The following IRF2 variants were observed in gnomAD, a reference collection of about 807,000 sequenced individuals.
IRF2 encodes interferon regulatory factor 2.
In IRF2, 15 loss-of-function variants were observed where a neutral mutation model predicts 40.6. The ratio of observed to expected loss-of-function variants is 0.37; its 90% CI spans 0.25 to 0.57. The LOEUF is 0.57. Among genes scored for constraint, IRF2 ranks in the 20% least tolerant of loss-of-function variants. The pLI, the probability that IRF2 is intolerant of heterozygous loss-of-function variation, is 0.77. For synonymous variants in IRF2, 151 were observed against 165.5 expected (o/e 0.91, Z 0.67); for missense variants, 317 against 455.7 (o/e 0.70, Z 2.77).
At chr4:184,397,849 A>T (rs1217008275) in intron 7 of IRF2, among the ~76,000 whole-genome samples, 1 of 152,198 alleles carries the variant, frequency 6.6e-6, no homozygotes, top group African/African-American at 2.4e-5. Context: ...TTCAATGGAG[A>T]TCATCAGGAA....
At chr4:184,401,908 A>G (rs1187698330) in intron 6 of IRF2, among the ~76,000 whole-genome samples, 1 of 152,208 alleles carries the variant, frequency 6.6e-6, no homozygotes, top group South Asian at 2.1e-4. Context: ...CTGGGACTAC[A>G]AACAATGGCA....
intron 1 of IRF2, among the ~76,000 whole-genome samples, chr4:184,454,355 A>G (rs922029031): frequency 2.0e-5 from 3 of 152,160 alleles, no homozygotes; most frequent in Admixed American, 2.0e-4. Context: ...CAGCACACAA[A>G]CTATAAACTT....
intron 7 of IRF2, among the ~76,000 whole-genome samples, chr4:184,396,874 G>A (rs184684570): frequency 7.4e-4 from 113 of 152,246 alleles, no homozygotes; most frequent in African/African-American, 2.6e-3. Flanking sequence ...AGGCTGAGGC[G>A]AGCAGATCAC....
intron 1 of IRF2, among the ~76,000 whole-genome samples, chr4:184,456,360 A>C (rs1004185515): frequency 2.6e-5 from 4 of 152,236 alleles, no homozygotes; most frequent in African/African-American, 9.6e-5. Context: ...GTGGAAGGGA[A>C]GAAAGAACAT....
At chr4:184,456,714 A>G (rs552890928) in intron 1 of IRF2, among the ~76,000 whole-genome samples, 20 of 152,358 alleles carry the variant, frequency 1.3e-4, no homozygotes, top group Admixed American at 1.2e-3. Flanking sequence ...TGGACAGCAA[A>G]TAACAATTGG....
intron 1 of IRF2, among the ~76,000 whole-genome samples, chr4:184,433,585 G>A (rs911436068): frequency 4.6e-5 from 7 of 152,090 alleles, no homozygotes; most frequent in Non-Finnish European, 8.8e-5. Context: ...GCAAAAAATC[G>A]AACAAGTATT....
chr4:184,460,639 A>ACG (rs1561128332), intron 1 of IRF2, among the ~76,000 whole-genome samples: 2 of 143,186 alleles, frequency 1.4e-5, no homozygotes, highest in African/African-American at 5.4e-5. Flanking sequence ...ACACGCATGC[A>ACG]CGCACACACA....
chr4:184,439,346 G>A (rs1484668548), intron 1 of IRF2, among the ~76,000 whole-genome samples: 1 of 144,278 alleles, frequency 6.9e-6, no homozygotes, highest in East Asian at 2.0e-4. Context: ...GGCGGAGCGG[G>A]GGTACTTAAA....
chr4:184,440,318 C>G (rs1365710393), intron 1 of IRF2, among the ~76,000 whole-genome samples: 2 of 152,240 alleles, frequency 1.3e-5, no homozygotes, highest in Non-Finnish European at 2.9e-5. Flanking sequence ...CCCGGCCACC[C>G]TCCCTTCAAT....
intron 1 of IRF2, among the ~76,000 whole-genome samples, chr4:184,471,584 G>A (rs1466168749): frequency 6.6e-6 from 1 of 152,196 alleles, no homozygotes; most frequent in African/African-American, 2.4e-5. Flanking sequence ...AAAAACAACA[G>A]TTTTGTACGA....
At chr4:184,432,068 C>T (rs1318597011) in intron 1 of IRF2, 1 of 152,194 alleles carries the variant, frequency 6.6e-6, no homozygotes, top group Non-Finnish European at 1.5e-5. Flanking sequence ...AGTCAATTGT[C>T]AGGTAAAGCA....
In IRF2 at chr4:184,398,843, G is replaced by C; in HGVS notation, c.694+72C>G. Reference sequence around the variant, plus strand: ...GGAGGGATGCTCCGTGGGGTGGTGAGATGGGTGACCCTAGACCAAAGGACT... The same window carrying C: ...GGAGGGATGCTCCGTGGGGTGGTGACATGGGTGACCCTAGACCAAAGGACT... On this transcript the variant is annotated intron_variant, in intron 7 of 8. Coordinates refer to ENST00000393593, the MANE Select transcript of IRF2 (RefSeq NM_002199.4). 9.2e-6 allele frequency: 13 copies of C among 1,406,508 alleles called. No homozygotes were observed. The South Asian group carries it at 1.8e-4, about 20-fold the overall frequency. 87.1% of individuals were successfully genotyped at this position (1,406,508 alleles called of 1,614,324 possible). A position where few individuals can be genotyped will look rare whatever the true frequency, so the allele number is the denominator to read the frequency against.
chr4:184,401,465 G>A (rs918876194), intron 6 of IRF2, among the ~76,000 whole-genome samples: 1 of 152,160 alleles, frequency 6.6e-6, no homozygotes, highest in African/African-American at 2.4e-5. Flanking sequence ...TTTCCTGGTG[G>A]GGATAAAATT....
intron 7 of IRF2, among the ~76,000 whole-genome samples, chr4:184,393,875 C>T (rs1340078298): frequency 6.6e-6 from 1 of 152,188 alleles, no homozygotes; most frequent in Non-Finnish European, 1.5e-5. Context: ...GTTGGATGCA[C>T]TGCGCCCCGT....
At chr4:184,399,165 A>G (rs1217227488) in intron 6 of IRF2, 86 bp from the exon 7 acceptor site, 2 of 1,409,180 alleles carry the variant, frequency 1.4e-6, no homozygotes, top group Non-Finnish European at 1.9e-6. Context: ...TCCCCAAAAG[A>G]GCCAGGTCGC....
chr4:184,433,268 C>T (rs1737956116), intron 1 of IRF2, among the ~76,000 whole-genome samples: 1 of 152,230 alleles, frequency 6.6e-6, no homozygotes, highest in Non-Finnish European at 1.5e-5. Context: ...CCGCTGTGGT[C>T]TGCATCTCTG....
intron 2 of IRF2, among the ~76,000 whole-genome samples, chr4:184,422,481 C>T (rs890193): frequency 0.73 from 111,578 of 152,158 alleles, 41,226 homozygotes; most frequent in Non-Finnish European, 0.78. Context: ...AAAACATAAA[C>T]GTTCATAGCA....
intron 5 of IRF2, among the ~76,000 whole-genome samples, chr4:184,416,328 C>CAAAAAAAAAA (rs35274774): frequency 4.3e-4 from 43 of 100,168 alleles, no homozygotes; most frequent in African/African-American, 5.9e-4. Context: ...AAAAAAAAAA[C>CAAAAAAAAAA]AAAAAAAAAA....
At position 184,451,653 on chromosome 4, in the gene IRF2, C is replaced by T. The variant is rs150606273; in HGVS notation, c.-6-22583G>A. 8.5e-4 allele frequency among the ~76,000 whole-genome samples: 130 copies of T among 152,256 alleles called. 1 individual carries two copies. The Middle Eastern group carries it at 0.014, about 16-fold the overall frequency. ...GGGATATAGTATTTTTCTACATGTGCCATTGATCCTGAAACATAAATGCTA... is the reference window on the plus strand; with the variant it reads ...GGGATATAGTATTTTTCTACATGTGTCATTGATCCTGAAACATAAATGCTA... On this transcript the variant is annotated intron_variant, in intron 1 of 8. Transcript: ENST00000393593.
Sources: gnomAD v4.1 joint callset for allele counts (sites outside exome capture counted in the v4.1 genomes callset) on GRCh38, gnomAD v4.1.1 for gene constraint, MANE v1.5 for transcripts, NCBI Gene and HGNC (gene_info 2026-07-23, HGNC 2026-07-21) for gene names.